The following EXD3 variants were observed in gnomAD, a reference collection of about 807,000 sequenced individuals.
EXD3 encodes exonuclease 3'-5' domain containing 3, also known as exonuclease mut-7 homolog.
A neutral mutation model predicts 98.0 loss-of-function variants in EXD3; 92 were observed. That is an observed-to-expected ratio of 0.94 (90% CI 0.79 to 1.12). EXD3 has a LOEUF of 1.12. EXD3 is among the 50% of genes most tolerant of loss of function. The pLI is 0.00. For synonymous variants in EXD3, 569 were observed against 526.0 expected (o/e 1.08, Z -1.12); for missense variants, 1,222 against 1,191.6 (o/e 1.03, Z -0.38).
chr9:137,349,380 A>G lies in EXD3; in HGVS notation c.1646T>C (p.Val549Ala), dbSNP rs1186293306. 2 of 1,589,434 alleles carry G rather than the reference A, an allele frequency of 1.3e-6. No homozygotes were observed. Among genetic ancestry groups the G allele is most frequent in the Admixed American group, 3.4e-5 (2 of 58,330 alleles). The change falls in exon 15 of 22, where the codon GTC (valine) becomes GCC (alanine). Residue 549 changes from valine to alanine, a missense_variant. Transcript: ENST00000340951. The surrounding 1 kb of genome is among the most constrained non-coding windows in gnomAD (Gnocchi z 7.4). ...GCCGCACCGCACACCTGCGTAGATG[A>G]CCTGCTCCTCGCAGAGCGGCCTCCG... ...WDRRPLCEEQ[V>A]IYAAADAYCL... is the part of the protein sequence containing the mutation.
rs147617055 is a variant in EXD3 at position 137,320,526 on chromosome 9, T to C, written c.2184+3199A>G. ...GCCACAGCAGGGGCAGCTTGGGGGTTGCAGGGTGTGGGTGGCAGAGTGGCA... is the reference window on the plus strand; with the variant it reads ...GCCACAGCAGGGGCAGCTTGGGGGTCGCAGGGTGTGGGTGGCAGAGTGGCA... On this transcript the variant is annotated intron_variant, in intron 19 of 21. Coordinates refer to ENST00000340951, the MANE Select transcript of EXD3 (RefSeq NM_017820.5). Among the ~76,000 whole-genome samples the C allele has an allele frequency of 2.6e-3, 392 of 152,276 alleles. 1 individual carries two copies. Among genetic ancestry groups the C allele is most frequent in the Non-Finnish European group, 3.3e-3 (224 of 67,996 alleles).
intron 17 of EXD3, among the ~76,000 whole-genome samples, chr9:137,326,744 A>C (rs1832424560): frequency 6.6e-6 from 1 of 152,190 alleles, no homozygotes; most frequent in African/African-American, 2.4e-5. Context: ...CTCATGCGTC[A>C]CTGGCGGGAA....
At chr9:137,353,340 G>A (rs1042791556) in intron 10 of EXD3, 92 of 985,220 alleles carry the variant, frequency 9.3e-5, no homozygotes, top group South Asian at 2.3e-4. Context: ...CCCCCACCCC[G>A]GGTCCCAGGA....
At position 137,347,931 on chromosome 9, in the gene EXD3, G is replaced by T; in HGVS notation, c.1998+140C>A. 9.4e-7 allele frequency: 1 copy of T among 1,062,490 alleles called. No homozygotes were observed. 65.8% of individuals were successfully genotyped at this position (1,062,490 alleles called of 1,614,324 possible). ...CAACCGCTCCATCCTTGGCCACCCC[G>T]TCCTGTTCCCAGAGCCTGCCTGGCA... On this transcript the variant is annotated intron_variant, in intron 17 of 21. Transcript: ENST00000340951. The surrounding 1 kb of genome is among the most constrained non-coding windows in gnomAD (Gnocchi z 4.2).
chr9:137,372,569 G>C (rs889666996), intron 5 of EXD3, among the ~76,000 whole-genome samples: 11 of 152,232 alleles, frequency 7.2e-5, no homozygotes, highest in African/African-American at 2.7e-4. Context: ...ACATGGTGGG[G>C]CGTGGCTGGA....
intron 9 of EXD3, 136 bp from the exon 10 acceptor site, chr9:137,354,513 G>C (rs1235528485): frequency 6.5e-7 from 1 of 1,541,754 alleles, no homozygotes; most frequent in Non-Finnish European, 8.7e-7. Flanking sequence ...TGGTGCCACA[G>C]CCCAGAGCCA....
At chr9:137,376,076 G>A (rs919950025) in intron 3 of EXD3, among the ~76,000 whole-genome samples, 37 of 152,144 alleles carry the variant, frequency 2.4e-4, no homozygotes, top group African/African-American at 8.2e-4. Context: ...CAGGCACGGT[G>A]GCTCATGCCT....
rs1286418239 is a variant in EXD3 at position 137,395,259 on chromosome 9, C to A, written c.55+44G>T. 6.3e-7 allele frequency: 1 copy of A among 1,582,482 alleles called. No homozygotes were observed. Among genetic ancestry groups the A allele is most frequent in the South Asian group, 1.1e-5 (1 of 90,504 alleles). On this transcript the variant is annotated intron_variant, in intron 2 of 21. Transcript: ENST00000340951. This position sits in a 1 kb window ranked among gnomAD's most constrained non-coding sequence, Gnocchi z 6.5. ...CCCCATGCACACCCACGCACCTCCC[C>A]CCACAGCCCCAGGGAGACTCGGCAC...
At position 137,383,171 on chromosome 9, in the gene EXD3, G is replaced by T; in HGVS notation, c.120+142C>A. On this transcript the variant is annotated intron_variant, in intron 3 of 21. Transcript: ENST00000340951. ...ACAGGCCACCCTGGAGGCGGTCTGGGGCAGCAGCTGTGCAGGACCCTGTGG... is the reference window on the plus strand; with the variant it reads ...ACAGGCCACCCTGGAGGCGGTCTGGTGCAGCAGCTGTGCAGGACCCTGTGG... 5 of 667,764 alleles carry T rather than the reference G, an allele frequency of 7.5e-6. No individual in the cohort carries two copies. The South Asian group carries it at 9.3e-5, about 12-fold the overall frequency. The allele number at this position is 667,764 out of a possible 1,614,324, so 41.4% of individuals were successfully genotyped here. A position where few individuals can be genotyped will look rare whatever the true frequency, so the allele number is the denominator to read the frequency against.
intron 17 of EXD3, among the ~76,000 whole-genome samples, chr9:137,336,752 A>C (rs1257940088): frequency 6.6e-6 from 1 of 152,096 alleles, no homozygotes; most frequent in African/African-American, 2.4e-5. Context: ...CAAGGAAAGC[A>C]ATAGCAATAG....
chr9:137,354,289 A>C (rs1834488014), intron 10 of EXD3, 50 bp downstream of exon 10: 8 of 1,603,500 alleles, frequency 5.0e-6, no homozygotes, highest in Non-Finnish European at 6.8e-6. Context: ...TGCCCCTAGG[A>C]CAGCCGCCCA....
intron 19 of EXD3, among the ~76,000 whole-genome samples, chr9:137,311,298 C>T (rs1831347337): frequency 6.6e-6 from 1 of 152,214 alleles, no homozygotes; most frequent in Non-Finnish European, 1.5e-5. Context: ...CAGCAGGCTT[C>T]CTGGGCAGGT....
intron 1 of EXD3, among the ~76,000 whole-genome samples, chr9:137,406,674 A>C (rs1187344354): frequency 1.3e-5 from 2 of 152,060 alleles, no homozygotes; most frequent in Non-Finnish European, 2.9e-5. Context: ...CAGGTCCCCC[A>C]CCACCACCTC....
intron 17 of EXD3, among the ~76,000 whole-genome samples, chr9:137,327,500 G>C (rs1292924010): frequency 6.6e-6 from 1 of 152,096 alleles, no homozygotes; most frequent in Non-Finnish European, 1.5e-5. Flanking sequence ...GTGATACAGT[G>C]AATGTGCTAA....
intron 7 of EXD3, chr9:137,365,754 G>GCA (rs529700133): frequency 1.2e-4 from 39 of 313,790 alleles, no homozygotes; most frequent in Non-Finnish European, 1.2e-4. Flanking sequence ...ACACATACAT[G>GCA]CACACACACA....
rs563394890 is a variant in EXD3, at chr9:137,353,953, G to A, written c.870+386C>T. Reference sequence around the variant, plus strand: ...CAGGACGTCCGCTGCCCTTCCGGCCGGCTCTGCGCTGGCACCGGGCTGGGG... The same window carrying A: ...CAGGACGTCCGCTGCCCTTCCGGCCAGCTCTGCGCTGGCACCGGGCTGGGG... On this transcript the variant is annotated intron_variant, in intron 10 of 21. Transcript: ENST00000340951. 1.6e-4 allele frequency: 167 copies of A among 1,062,160 alleles called. No homozygotes were observed. The African/African-American group carries it at 2.5e-3, about 16-fold the overall frequency. The allele number at this position is 1,062,160 out of a possible 1,614,324, so 65.8% of individuals were successfully genotyped here. A position where few individuals can be genotyped will look rare whatever the true frequency, so the allele number is the denominator to read the frequency against.
chr9:137,320,432 G>A (rs1831970806), intron 19 of EXD3, among the ~76,000 whole-genome samples: 1 of 152,250 alleles, frequency 6.6e-6, no homozygotes, highest in South Asian at 2.1e-4. Flanking sequence ...CCACGGGGGT[G>A]CAGCTCTGGC....
At chr9:137,310,305 G>A (rs1249555005) in intron 19 of EXD3, among the ~76,000 whole-genome samples, 5 of 152,272 alleles carry the variant, frequency 3.3e-5, no homozygotes, top group East Asian at 3.9e-4. Flanking sequence ...ATGTAGTGGC[G>A]CAATCACAGC....
chr9:137,413,234 T>C (rs1224544097), intron 1 of EXD3, among the ~76,000 whole-genome samples: 3 of 151,446 alleles, frequency 2.0e-5, no homozygotes, highest in Admixed American at 6.6e-5. Flanking sequence ...GGAGTCTCAC[T>C]CCGTCGCCCA....
Sources: gnomAD v4.1 joint callset for allele counts (sites outside exome capture counted in the v4.1 genomes callset) on GRCh38, gnomAD v4.1.1 for gene constraint, Gnocchi (gnomAD v3.1) non-coding constraint, MANE v1.5 for transcripts, NCBI Gene and HGNC (gene_info 2026-07-23, HGNC 2026-07-21) for gene names.